Variants in DISC1 observed in about 807,000 individuals in gnomAD.
The protein encoded by DISC1 is disrupted in schizophrenia 1 protein.
A neutral mutation model predicts 84.5 loss-of-function variants in DISC1; 57 were observed. The observed-to-expected ratio is 0.67, with a 90% CI of 0.55 to 0.84. The LOEUF (loss-of-function observed/expected upper bound fraction) is 0.84. Ranked by LOEUF, DISC1 falls within the 40% of genes least tolerant of loss-of-function variation. The pLI is 0.00. For missense variants in DISC1, 1,000 were observed against 1,057.8 expected, an observed-to-expected ratio of 0.95 and a Z score of 0.76; for synonymous variants, 411 against 415.2, an observed-to-expected ratio of 0.99 and a Z score of 0.12.
chr1:231,935,449 A>G (rs1484859392), intron 9 of DISC1, among the ~76,000 whole-genome samples: 1 of 152,190 alleles, frequency 6.6e-6, no homozygotes, highest in Non-Finnish European at 1.5e-5. Flanking sequence ...ATGTCTTACA[A>G]ATGTACATAT....
intron 10 of DISC1, among the ~76,000 whole-genome samples, chr1:231,973,345 C>T (rs185209172): frequency 3.9e-5 from 6 of 152,112 alleles, no homozygotes; most frequent in East Asian, 3.9e-4. Flanking sequence ...CGCACCCGGC[C>T]GCCAATGTCT....
At chr1:231,990,729 C>T (rs749658476) in intron 10 of DISC1, among the ~76,000 whole-genome samples, 8 of 152,186 alleles carry the variant, frequency 5.3e-5, no homozygotes, top group Non-Finnish European at 1.2e-4. Context: ...CTCTGCTTCC[C>T]CTGCAGACAC....
chr1:231,774,297 G>C (rs555927646), intron 6 of DISC1, among the ~76,000 whole-genome samples: 13 of 152,208 alleles, frequency 8.5e-5, no homozygotes, highest in African/African-American at 3.1e-4. Context: ...TTTCATGGGA[G>C]GGTAGGAATA....
Position 232,008,986 on chromosome 1 carries a change from A to T in DISC1, c.2244A>T (p.Val748=). Residue 748 remains valine (V), a synonymous_variant, in exon 11 of 13, where the codon GTA becomes GTT. Coordinates refer to ENST00000439617, the MANE Select transcript of DISC1 (RefSeq NM_018662.3). The part of the protein sequence containing the change: ...SEDKRKTPLK[V]LEEWKTHLIP... ...ATAAAAGGAAGACCCCTTTGAAGGTATTGGAAGAATGGAAGACTCACCTCA... is the reference window on the plus strand; with the variant it reads ...ATAAAAGGAAGACCCCTTTGAAGGTTTTGGAAGAATGGAAGACTCACCTCA... 1.2e-6 allele frequency: 2 copies of T among 1,613,880 alleles called. No individual in the cohort carries two copies. The highest frequency in any genetic ancestry group is 1.7e-6 in the Non-Finnish European group (2 of 1,179,840).
intron 9 of DISC1, among the ~76,000 whole-genome samples, chr1:231,893,280 A>C (rs2087403002): frequency 6.6e-6 from 1 of 152,222 alleles, no homozygotes; most frequent in South Asian, 2.1e-4. Context: ...ACTTGAACCC[A>C]GGTTTAAAAG....
At chr1:231,823,314 C>T (rs7528672) in intron 9 of DISC1, among the ~76,000 whole-genome samples, 36,856 of 151,678 alleles carry the variant, frequency 0.24, 4,771 homozygotes, top group Non-Finnish European at 0.26. Context: ...AATGGAGAGC[C>T]GGGACAATAC....
intron 1 of DISC1, among the ~76,000 whole-genome samples, chr1:231,660,137 G>A (rs1042604631): frequency 4.6e-5 from 7 of 152,116 alleles, no homozygotes; most frequent in Non-Finnish European, 1.0e-4. Context: ...TGAAGAACTT[G>A]CTTTATGAAT....
At chr1:231,990,716 T>C (rs1665090437) in intron 10 of DISC1, among the ~76,000 whole-genome samples, 1 of 152,170 alleles carries the variant, frequency 6.6e-6, no homozygotes, top group African/African-American at 2.4e-5. Flanking sequence ...GCACTGGAAA[T>C]GACTCTGCTT....
chr1:231,821,309 TTGAGTTGTC>T (rs2081476999), intron 9 of DISC1, among the ~76,000 whole-genome samples: 1 of 152,200 alleles, frequency 6.6e-6, no homozygotes, highest in Non-Finnish European at 1.5e-5. Context: ...TGGAAGGTGC[TTGAGTTGTC>T]TGAGTTGGAT....
chr1:231,641,543 C>T lies in DISC1; in HGVS notation c.67+14609C>T, dbSNP rs557145517. On this transcript the variant is annotated intron_variant, in intron 1 of 12. Transcript: ENST00000439617. ...CAGCAGCAAGGTTTGTTGCAAACAGCGAAAGAACAAAGCTTCCACAATGTG... is the reference window on the plus strand; with the variant it reads ...CAGCAGCAAGGTTTGTTGCAAACAGTGAAAGAACAAAGCTTCCACAATGTG... 1.1e-3 allele frequency among the ~76,000 whole-genome samples: 161 copies of T among 152,278 alleles called. 3 individuals are homozygous for T. The highest frequency in any genetic ancestry group is 7.8e-4 in the Admixed American group (12 of 15,302).
rs1480862475 is a variant in DISC1 at position 231,767,129 on chromosome 1, G to A, written c.1269-11G>A. The A allele has an allele frequency of 6.8e-6, 11 of 1,614,060 alleles. No individual in the cohort carries two copies. Among genetic ancestry groups the A allele is most frequent in the African/African-American group, 2.7e-5 (2 of 75,042 alleles). ...TGCATACCTGTACCAATAGGTATGT[G>A]TTGTTTTAAGGGCCAGCGGAGATGA... On this transcript the variant is annotated splice_polypyrimidine_tract_variant and intron_variant, in intron 4 of 12. Transcript: ENST00000439617.
Position 231,694,301 on chromosome 1 carries a change from G to A in DISC1, c.543G>A (p.Glu181=), listed in dbSNP as rs1355894204. 3.1e-6 allele frequency: 5 copies of A among 1,614,268 alleles called. No homozygotes were observed. The highest frequency in any genetic ancestry group is 4.2e-6 in the Non-Finnish European group (5 of 1,180,044). ...CAGCAGGCTCTCTGCCATCAGCAGA[G>A]TTGAGTAGCAACAGCTGCAGCCCTG... ...VRAAGSLPSA[E]LSSNSCSPGC... is the part of the protein sequence containing the mutation. Residue 181 remains glutamate, a synonymous_variant, in exon 2 of 13, where the codon GAG becomes GAA. Transcript: ENST00000439617.
At chr1:231,951,024 G>A (rs910120680) in intron 9 of DISC1, among the ~76,000 whole-genome samples, 2 of 152,332 alleles carry the variant, frequency 1.3e-5, no homozygotes, top group East Asian at 3.9e-4. Flanking sequence ...CAAAACAGTG[G>A]AAGTGGAGGC....
At chr1:231,841,473 C>T (rs2083063270) in intron 9 of DISC1, among the ~76,000 whole-genome samples, 1 of 152,224 alleles carries the variant, frequency 6.6e-6, no homozygotes, top group Admixed American at 6.5e-5. Context: ...CAGGCTGTAC[C>T]TCAGTTTATC....
rs367565112 is a variant in DISC1 at position 231,675,664 on chromosome 1, C to T, written c.68-18162C>T. 7.9e-5 allele frequency among the ~76,000 whole-genome samples: 12 copies of T among 152,166 alleles called. No individual in the cohort carries two copies. Among genetic ancestry groups the T allele is most frequent in the Middle Eastern group, 3.4e-3 (1 of 294 alleles). On this transcript the variant is annotated intron_variant, in intron 1 of 12. Transcript: ENST00000439617. The surrounding 1 kb of genome is among the most constrained non-coding windows in gnomAD (Gnocchi z 4.1). ...AGGGACAGCCATGGAGGCCCATGTGCGCCATTGCCCTTATCCCTTGGGGGC... is the reference window on the plus strand; with the variant it reads ...AGGGACAGCCATGGAGGCCCATGTGTGCCATTGCCCTTATCCCTTGGGGGC...
intron 3 of DISC1, among the ~76,000 whole-genome samples, chr1:231,740,159 A>G (rs1390308346): frequency 1.1e-4 from 17 of 152,212 alleles, no homozygotes; most frequent in Admixed American, 1.1e-3. Context: ...AACTCTGGGC[A>G]ATACATTTCT....
intron 9 of DISC1, among the ~76,000 whole-genome samples, chr1:231,892,175 G>A (rs1029467848): frequency 1.3e-4 from 20 of 152,326 alleles, no homozygotes; most frequent in African/African-American, 4.8e-4. Flanking sequence ...GTTGGATAAT[G>A]TTAATGCCAC....
At chr1:231,672,326 C>G (rs1007845749) in intron 1 of DISC1, among the ~76,000 whole-genome samples, 4 of 152,144 alleles carry the variant, frequency 2.6e-5, no homozygotes, top group Admixed American at 6.5e-5. Flanking sequence ...GCTAGGTACT[C>G]TCTTTCTATC....
At position 231,897,423 on chromosome 1, in the gene DISC1, T is replaced by C. The variant is rs577866830; in HGVS notation, c.1982-61405T>C. Reference sequence around the variant, plus strand: ...GGTTGTTTTATCTTCCCCTGATGAATTGACCGGTCCAGAGAGCATTTCAGT... The same window carrying C: ...GGTTGTTTTATCTTCCCCTGATGAACTGACCGGTCCAGAGAGCATTTCAGT... On this transcript the variant is annotated intron_variant, in intron 9 of 12. Coordinates refer to ENST00000439617, the MANE Select transcript of DISC1 (RefSeq NM_018662.3). This position sits in a 1 kb window ranked among gnomAD's most constrained non-coding sequence, Gnocchi z 4.5. Among the ~76,000 whole-genome samples, 1 of 152,318 alleles carries C rather than the reference T, an allele frequency of 6.6e-6. No homozygotes were observed. The highest frequency in any genetic ancestry group is 2.1e-4 in the South Asian group (1 of 4,828).
Sources: gnomAD v4.1 joint callset for allele counts (sites outside exome capture counted in the v4.1 genomes callset) on GRCh38, gnomAD v4.1.1 for gene constraint, Gnocchi (gnomAD v3.1) non-coding constraint, MANE v1.5 for transcripts, NCBI Gene and HGNC (gene_info 2026-07-23, HGNC 2026-07-21) for gene names.